Variants in TM9SF2 observed in about 807,000 individuals in gnomAD.
TM9SF2 encodes the protein 76 kDa membrane protein.
A neutral mutation model predicts 84.9 loss-of-function variants in TM9SF2; 13 were observed. The ratio of observed to expected loss-of-function variants is 0.15; its 90% CI spans 0.10 to 0.24. The LOEUF (loss-of-function observed/expected upper bound fraction) is 0.24. TM9SF2 is among the 10% of genes least tolerant of loss of function. The pLI is 1.00. For synonymous variants in TM9SF2, 273 were observed against 285.8 expected (o/e 0.96, Z 0.45); for missense variants, 562 against 818.5 (o/e 0.69, Z 3.82).
chr13:99,522,049 G>A (rs2046163057), intron 3 of TM9SF2, among the ~76,000 whole-genome samples: 2 of 151,842 alleles, frequency 1.3e-5, no homozygotes, highest in South Asian at 2.1e-4. Context: ...GAGACAGAGT[G>A]TCACTCTATT....
Position 99,543,925 on chromosome 13 carries a change from A to G in TM9SF2, c.1080A>G (p.Arg360=). Residue 360 remains arginine (R), a synonymous_variant, in exon 10 of 17, where the codon AGA becomes AGG. Transcript: ENST00000376387. ...ATGGTGATATATTCCGTCCTCCAAG[A>G]AAAGGGATGCTGCTATCAGTCTTTC... is the stretch of plus-strand genomic sequence containing the variant. The part of the protein sequence containing the change: ...LVHGDIFRPP[R]KGMLLSVFLG... The G allele has an allele frequency of 6.2e-7, 1 of 1,614,174 alleles. No individual in the cohort carries two copies. The highest frequency in any genetic ancestry group is 8.5e-7 in the Non-Finnish European group (1 of 1,180,018).
At position 99,560,772 on chromosome 13, in the gene TM9SF2, C is replaced by T. The variant is rs559603307; in HGVS notation, c.1924+1238C>T. Among the ~76,000 whole-genome samples, 112 of 152,200 alleles carry T rather than the reference C, an allele frequency of 7.4e-4. 1 individual carries two copies. Among genetic ancestry groups the T allele is most frequent in the Non-Finnish European group, 1.1e-3 (78 of 68,030 alleles). ...TCTCAGCTCACTGCAAACTCTGCCT[C>T]CCAGGTTCACGCCATTCTCCTGCCT... On this transcript the variant is annotated intron_variant, in intron 16 of 16. Coordinates refer to ENST00000376387, the MANE Select transcript of TM9SF2 (RefSeq NM_004800.3).
intron 13 of TM9SF2, among the ~76,000 whole-genome samples, chr13:99,553,038 A>G (rs1386920816): frequency 3.9e-5 from 6 of 152,226 alleles, no homozygotes; most frequent in Non-Finnish European, 8.8e-5. Flanking sequence ...GAAGATTATA[A>G]TCAGGTTTCA....
At position 99,541,543 on chromosome 13, in the gene TM9SF2, G is replaced by T. The variant is rs202202635; in HGVS notation, c.909-16G>T. ...GATTAAGCTACAGATTACTCATGAT[G>T]TGCTTATTTCTACAGCATTATGAAT... On this transcript the variant is annotated splice_polypyrimidine_tract_variant and intron_variant, in intron 8 of 16. Transcript: ENST00000376387. 227 of 1,569,116 alleles carry T rather than the reference G, an allele frequency of 1.4e-4. 1 individual carries two copies. The African/African-American group carries it at 2.8e-3, about 20-fold the overall frequency.
At chr13:99,538,845 G>A (rs1438251410) in intron 6 of TM9SF2, among the ~76,000 whole-genome samples, 1 of 151,546 alleles carries the variant, frequency 6.6e-6, no homozygotes, top group Non-Finnish European at 1.5e-5. Context: ...GCTGCAGTGA[G>A]CCAAGATCAC....
chr13:99,551,687 G>A (rs965497820), intron 12 of TM9SF2, among the ~76,000 whole-genome samples: 1 of 152,076 alleles, frequency 6.6e-6, no homozygotes, highest in Non-Finnish European at 1.5e-5. Context: ...AGATGTTTGG[G>A]TTCAAAAAAA....
chr13:99,534,239 G>A (rs988058493), intron 4 of TM9SF2, among the ~76,000 whole-genome samples: 2 of 152,110 alleles, frequency 1.3e-5, no homozygotes, highest in African/African-American at 2.4e-5. Flanking sequence ...AGAACCACTG[G>A]ACTATAGCTT....
intron 1 of TM9SF2, among the ~76,000 whole-genome samples, chr13:99,509,635 T>C (rs1045796311): frequency 3.3e-4 from 51 of 152,314 alleles, no homozygotes; most frequent in Admixed American, 1.3e-3. Flanking sequence ...ATCCCAAGGC[T>C]GCACAGGGCA....
intron 4 of TM9SF2, among the ~76,000 whole-genome samples, chr13:99,530,395 G>A (rs987188104): frequency 6.6e-6 from 1 of 152,202 alleles, no homozygotes; most frequent in Non-Finnish European, 1.5e-5. Context: ...CTGCACTCCC[G>A]CCTGGGCGAC....
intron 3 of TM9SF2, among the ~76,000 whole-genome samples, chr13:99,522,562 A>T (rs917929585): frequency 6.6e-6 from 1 of 152,196 alleles, no homozygotes; most frequent in African/African-American, 2.4e-5. Context: ...ATAGCAGATG[A>T]CTGTTTTCAG....
rs182032676 is a variant in TM9SF2 at position 99,533,314 on chromosome 13, C to G, written c.462-3294C>G. On this transcript the variant is annotated intron_variant, in intron 4 of 16. Transcript: ENST00000376387. ...CAGTCTCAGCCTCATTTCTATTCTA[C>G]AGAACTAACACTATTATTTCTCATG... Among the ~76,000 whole-genome samples, 366 of 152,330 alleles carry G rather than the reference C, an allele frequency of 2.4e-3. 3 individuals carry two copies. Among genetic ancestry groups the G allele is most frequent in the African/African-American group, 8.6e-3 (357 of 41,558 alleles).
At chr13:99,531,247 G>A (rs1423578766) in intron 4 of TM9SF2, among the ~76,000 whole-genome samples, 1 of 152,194 alleles carries the variant, frequency 6.6e-6, no homozygotes, top group African/African-American at 2.4e-5. Context: ...GCTTGGAAAT[G>A]CCTATATTCT....
At chr13:99,549,447 C>G (rs1234899112) in intron 12 of TM9SF2, among the ~76,000 whole-genome samples, 3 of 152,180 alleles carry the variant, frequency 2.0e-5, no homozygotes, top group South Asian at 4.1e-4. Context: ...TGTTTTAATT[C>G]CTTCTCTTCA....
intron 9 of TM9SF2, among the ~76,000 whole-genome samples, chr13:99,542,874 T>G (rs892971246): frequency 6.6e-6 from 1 of 152,172 alleles, no homozygotes; most frequent in African/African-American, 2.4e-5. Context: ...TTCCCATCTC[T>G]TAGCACAGCA....
rs1188376838 is a variant in TM9SF2, at chr13:99,563,413, A to G, written c.*655A>G. 6.6e-6 allele frequency: 1 copy of G among 152,222 alleles called. No homozygotes were observed. The highest frequency in any genetic ancestry group is 1.9e-4 in the East Asian group (1 of 5,206). 9.4% of individuals were successfully genotyped at this position (152,222 alleles called of 1,614,324 possible). A position where few individuals can be genotyped will look rare whatever the true frequency, so the allele number is the denominator to read the frequency against. On this transcript the variant is annotated 3_prime_UTR_variant, in exon 17 of 17. Transcript: ENST00000376387. ...TGTCTTCATTGCATCATTACCTATTATATATTCAAGGAGGTTCTGTAAATA... is the reference window on the plus strand; with the variant it reads ...TGTCTTCATTGCATCATTACCTATTGTATATTCAAGGAGGTTCTGTAAATA...
intron 1 of TM9SF2, among the ~76,000 whole-genome samples, chr13:99,502,386 T>G (rs1157514871): frequency 1.3e-5 from 2 of 152,202 alleles, no homozygotes; most frequent in African/African-American, 4.8e-5. Context: ...ACAAAGTGCA[T>G]TAATAAAGAG....
intron 11 of TM9SF2, among the ~76,000 whole-genome samples, chr13:99,548,112 TAC>T (rs139342014): frequency 0.025 from 3,759 of 152,172 alleles, 160 homozygotes; most frequent in African/African-American, 0.086. Context: ...ACACCAGCCT[TAC>T]TTCATGCCAC....
At chr13:99,552,673 G>A (rs2046309991) in intron 13 of TM9SF2, among the ~76,000 whole-genome samples, 1 of 152,108 alleles carries the variant, frequency 6.6e-6, no homozygotes, top group Non-Finnish European at 1.5e-5. Context: ...GCGCCATCTC[G>A]GCTCACTGCA....
intron 1 of TM9SF2, among the ~76,000 whole-genome samples, chr13:99,508,422 C>T (rs1289231835): frequency 6.6e-6 from 1 of 151,028 alleles, no homozygotes; most frequent in Non-Finnish European, 1.5e-5. Flanking sequence ...CACACACACA[C>T]ACACACACAC....
Sources: gnomAD v4.1 joint callset for allele counts (sites outside exome capture counted in the v4.1 genomes callset) on GRCh38, gnomAD v4.1.1 for gene constraint, MANE v1.5 for transcripts, NCBI Gene and HGNC (gene_info 2026-07-23, HGNC 2026-07-21) for gene names.